The following EPS8 variants were observed in gnomAD, a reference collection of about 807,000 sequenced individuals.
The protein encoded by EPS8 is epidermal growth factor receptor kinase substrate 8.
Under a neutral mutation model 103.8 loss-of-function variants are expected in EPS8, and 42 were observed. That is an observed-to-expected ratio of 0.40 (90% CI 0.32 to 0.52). The LOEUF is 0.52. Among genes scored for constraint, EPS8 ranks in the 20% least tolerant of loss-of-function variants. The probability of loss-of-function intolerance (pLI) is 0.40; values close to 1 mark genes in which losing one functional copy is unlikely to be tolerated. For synonymous variants in EPS8, 344 were observed against 344.6 expected, an observed-to-expected ratio of 1.00 and a Z score of 0.02; for missense variants, 969 against 1,005.1, an observed-to-expected ratio of 0.96 and a Z score of 0.49.
chr12:15,788,273 T>C (rs534884298), intron 1 of EPS8, among the ~76,000 whole-genome samples: 40 of 152,200 alleles, frequency 2.6e-4, no homozygotes, highest in Non-Finnish European at 5.9e-4. Context: ...AGTAACACAT[T>C]TCACTGAAAC....
rs1323664612 is a variant in EPS8 at position 15,713,381 on chromosome 12, T to A, written c.-21-30409A>T. ...ATTAAATACATAGCTTTACTTGCAA[T>A]AAAGATAATTCCCTGATGCTAAACC... On this transcript the variant is annotated intron_variant, in intron 1 of 20. Transcript: ENST00000281172. This position sits in a 1 kb window ranked among gnomAD's most constrained non-coding sequence, Gnocchi z 4.8. 6.6e-6 allele frequency: 1 copy of A among 152,164 alleles called. No homozygotes were observed. The highest frequency in any genetic ancestry group is 6.5e-5 in the Admixed American group (1 of 15,276). The allele number at this position is 152,164 out of a possible 1,614,324, so 9.4% of individuals were successfully genotyped here.
chr12:15,669,373 C>T lies in EPS8; in HGVS notation c.516+14G>A, dbSNP rs1443975620. On this transcript the variant is annotated intron_variant, in intron 6 of 20. Coordinates refer to ENST00000281172, the MANE Select transcript of EPS8 (RefSeq NM_004447.6). Reference sequence around the variant, plus strand: ...CTGCTTAAAGAAGAAACAAAAATTTCACCATTCTTTTACCTTAACCTCATC... The same window carrying T: ...CTGCTTAAAGAAGAAACAAAAATTTTACCATTCTTTTACCTTAACCTCATC... 6.3e-7 allele frequency: 1 copy of T among 1,588,312 alleles called. No individual in the cohort carries two copies. The highest frequency in any genetic ancestry group is 1.2e-5 in the South Asian group (1 of 86,456).
intron 4 of EPS8, 29 bp from the exon 5 acceptor site, chr12:15,669,854 T>C (rs932605221): frequency 6.5e-7 from 1 of 1,548,588 alleles, no homozygotes; most frequent in African/African-American, 1.4e-5. Flanking sequence ...GAAAAAGATT[T>C]ATAACACATA....
At chr12:15,730,406 T>C (rs1384114507) in intron 1 of EPS8, among the ~76,000 whole-genome samples, 1 of 152,220 alleles carries the variant, frequency 6.6e-6, no homozygotes, top group African/African-American at 2.4e-5. Flanking sequence ...CATGACTTTT[T>C]TTTTAGCACT....
intron 17 of EPS8, 45 bp from the exon 18 acceptor site, chr12:15,631,709 C>A (rs1268901034): frequency 1.4e-6 from 2 of 1,468,112 alleles, no homozygotes; most frequent in African/African-American, 1.4e-5. Flanking sequence ...AAAATATAAA[C>A]CTAGGCTAGG....
intron 3 of EPS8, among the ~76,000 whole-genome samples, chr12:15,673,931 T>C (rs544662247): frequency 6.6e-6 from 1 of 152,294 alleles, no homozygotes; most frequent in African/African-American, 2.4e-5. Context: ...ATTTTGTCTA[T>C]TAGCTTTTAT....
At chr12:15,668,560 T>G (rs574642272) in intron 6 of EPS8, among the ~76,000 whole-genome samples, 6 of 152,340 alleles carry the variant, frequency 3.9e-5, no homozygotes, top group African/African-American at 1.4e-4. Flanking sequence ...TTATAATCAT[T>G]TGAAATTACA....
intron 10 of EPS8, 103 bp downstream of exon 10, chr12:15,660,511 G>A (rs1172077011): frequency 1.8e-5 from 13 of 720,558 alleles, no homozygotes; most frequent in Middle Eastern, 2.4e-4. Flanking sequence ...TGATACACCC[G>A]CCTCGGCCTC....
At chr12:15,756,596 A>G (rs1229117300) in intron 1 of EPS8, among the ~76,000 whole-genome samples, 1 of 152,170 alleles carries the variant, frequency 6.6e-6, no homozygotes, top group Non-Finnish European at 1.5e-5. Flanking sequence ...ATCAACAACT[A>G]TTTAGGACAA....
rs1453433502 is a variant in EPS8 at position 15,674,716 on chromosome 12, CT to C, written c.137-3794del. On this transcript the variant is annotated intron_variant, in intron 3 of 20. Coordinates refer to ENST00000281172, the MANE Select transcript of EPS8 (RefSeq NM_004447.6). ...TAAGTTGGGAAAACTGCCGAACTGT[CT>C]TTTTGAGTCAACTGTTCTGCCACAT... Among the ~76,000 whole-genome samples, 7 of 152,120 alleles carry C rather than the reference CT, an allele frequency of 4.6e-5. No homozygotes were observed. In the East Asian group the frequency reaches 1.2e-3, roughly 25 times the overall value.
chr12:15,630,275 T>C (rs1163097256), intron 18 of EPS8, among the ~76,000 whole-genome samples: 2 of 151,906 alleles, frequency 1.3e-5, no homozygotes, highest in Admixed American at 1.3e-4. Context: ...AAATATGAAA[T>C]ATCTTCATAG....
At position 15,784,330 on chromosome 12, in the gene EPS8, A is replaced by T. The variant is rs1947288763; in HGVS notation, c.-22+4831T>A. On this transcript the variant is annotated intron_variant, in intron 1 of 20. Coordinates refer to ENST00000281172, the MANE Select transcript of EPS8 (RefSeq NM_004447.6). The surrounding 1 kb of genome is among the most constrained non-coding windows in gnomAD (Gnocchi z 4.0). ...AACCCCATTAAAAAGTGGGCAAATGATCTGAACAGCCATCACACCACAGAA... is the reference window on the plus strand; with the variant it reads ...AACCCCATTAAAAAGTGGGCAAATGTTCTGAACAGCCATCACACCACAGAA... Among the ~76,000 whole-genome samples the T allele has an allele frequency of 6.6e-6, 1 of 152,214 alleles. No individual in the cohort carries two copies. The highest frequency in any genetic ancestry group is 1.5e-5 in the Non-Finnish European group (1 of 68,014).
chr12:15,756,779 T>C (rs974981750), intron 1 of EPS8, among the ~76,000 whole-genome samples: 1 of 152,158 alleles, frequency 6.6e-6, no homozygotes, highest in African/African-American at 2.4e-5. Flanking sequence ...AACACATATA[T>C]TTCTATCTTC....
intron 1 of EPS8, among the ~76,000 whole-genome samples, chr12:15,737,206 G>T (rs545315974): frequency 2.6e-4 from 40 of 152,090 alleles, no homozygotes; most frequent in African/African-American, 8.4e-4. Context: ...AATACTATTT[G>T]GTGCCGTAAT....
chr12:15,763,189 T>C (rs954659159), intron 1 of EPS8, among the ~76,000 whole-genome samples: 1 of 152,198 alleles, frequency 6.6e-6, no homozygotes, highest in Admixed American at 6.5e-5. Context: ...TGTTGTTTTT[T>C]TTCCTAAGAC....
At chr12:15,667,711 G>A (rs1264649521) in intron 6 of EPS8, among the ~76,000 whole-genome samples, 2 of 152,074 alleles carry the variant, frequency 1.3e-5, no homozygotes, top group Non-Finnish European at 2.9e-5. Context: ...TGCACAATGA[G>A]CCATATAAAA....
chr12:15,624,301 T>C lies in EPS8; in HGVS notation c.2151A>G (p.Pro717=). 6.2e-7 allele frequency: 1 copy of C among 1,613,870 alleles called. No homozygotes were observed. Among genetic ancestry groups the C allele is most frequent in the Non-Finnish European group, 8.5e-7 (1 of 1,179,864 alleles). ...TGGAGTCGTAAGTGATATTGATAAC[T>C]GGCACGTTCTGCCGTGGCACATGGA... is the stretch of plus-strand genomic sequence containing the variant. ...KKFHVPRQNV[P]VINITYDSTP... The change falls in exon 19 of 21, where the codon CCA becomes CCG. Residue 717 remains proline (P), a synonymous_variant. Coordinates refer to ENST00000281172, the MANE Select transcript of EPS8 (RefSeq NM_004447.6).
intron 1 of EPS8, among the ~76,000 whole-genome samples, chr12:15,685,895 A>C (rs1248457741): frequency 6.6e-6 from 1 of 152,252 alleles, no homozygotes; most frequent in Non-Finnish European, 1.5e-5. Flanking sequence ...AAACTGTTAA[A>C]GCAACCTAAA....
intron 20 of EPS8, among the ~76,000 whole-genome samples, chr12:15,621,922 A>G (rs573898124): frequency 6.6e-6 from 1 of 152,250 alleles, no homozygotes; most frequent in East Asian, 1.9e-4. Context: ...AGTCTCTGGC[A>G]ACACAGGCAA....
Sources: gnomAD v4.1 joint callset for allele counts (sites outside exome capture counted in the v4.1 genomes callset) on GRCh38, gnomAD v4.1.1 for gene constraint, Gnocchi (gnomAD v3.1) non-coding constraint, MANE v1.5 for transcripts, NCBI Gene and HGNC (gene_info 2026-07-23, HGNC 2026-07-21) for gene names.